The following ARHGEF26 variants were observed in gnomAD, a reference collection of about 807,000 sequenced individuals.
The protein encoded by ARHGEF26 is Rho guanine nucleotide exchange factor 26.
A neutral mutation model predicts 89.4 loss-of-function variants in ARHGEF26; 59 were observed. The observed-to-expected ratio is 0.66, with a 90% CI of 0.54 to 0.82. The LOEUF (loss-of-function observed/expected upper bound fraction) is 0.82. Among genes scored for constraint, ARHGEF26 ranks in the 40% least tolerant of loss-of-function variants. The pLI, the probability that ARHGEF26 is intolerant of heterozygous loss-of-function variation, is 0.00. For missense variants in ARHGEF26, 1,234 were observed against 1,085.6 expected (o/e 1.14, Z -1.92); for synonymous variants, 500 against 428.4 (o/e 1.17, Z -2.06).
Position 154,121,474 on chromosome 3 carries a change from G to C in ARHGEF26, c.-97G>C, listed in dbSNP as rs1412925661. The C allele has an allele frequency of 1.3e-5, 2 of 152,646 alleles. No individual in the cohort carries two copies. Among genetic ancestry groups the C allele is most frequent in the African/African-American group, 2.4e-5 (1 of 41,454 alleles). The allele number at this position is 152,646 out of a possible 1,614,324, so 9.5% of individuals were successfully genotyped here. A position where few individuals can be genotyped will look rare whatever the true frequency, so the allele number is the denominator to read the frequency against. On this transcript the variant is annotated 5_prime_UTR_variant, in exon 1 of 15. Transcript: ENST00000465093. ...TCGGTCCCGGACCCGGGCCACCCACGGGGTAGTGGGTGCTCCTCGGCCCCG... is the reference window on the plus strand; with the variant it reads ...TCGGTCCCGGACCCGGGCCACCCACCGGGTAGTGGGTGCTCCTCGGCCCCG...
intron 6 of ARHGEF26, among the ~76,000 whole-genome samples, chr3:154,160,113 G>A (rs531783161): frequency 1.3e-5 from 2 of 152,166 alleles, no homozygotes; most frequent in South Asian, 2.1e-4. Context: ...ACATTCAGAA[G>A]CCACTCTTTA....
At position 154,140,738 on chromosome 3, in the gene ARHGEF26, G is replaced by A. The variant is rs1375944630; in HGVS notation, c.1270-8651G>A. On this transcript the variant is annotated intron_variant, in intron 4 of 14. Transcript: ENST00000465093. Reference sequence around the variant, plus strand: ...TGGGATTACAGGCACACGCCACCACGCCCGGCTAATTTTTGTATTTTTAAT... The same window carrying A: ...TGGGATTACAGGCACACGCCACCACACCCGGCTAATTTTTGTATTTTTAAT... Among the ~76,000 whole-genome samples the A allele has an allele frequency of 2.0e-5, 3 of 151,644 alleles. 1 individual carries two copies. In the South Asian group the frequency reaches 6.3e-4, roughly 32 times the overall value.
chr3:154,149,347 G>T, intron 4 of ARHGEF26, 42 bp from the exon 5 acceptor site: 9 of 1,539,384 alleles, frequency 5.8e-6, no homozygotes, highest in Non-Finnish European at 8.0e-6. Flanking sequence ...AACTTTTAAA[G>T]TATTAATAAA....
intron 11 of ARHGEF26, among the ~76,000 whole-genome samples, chr3:154,239,965 G>T (rs1010841106): frequency 6.6e-6 from 1 of 152,044 alleles, no homozygotes; most frequent in Non-Finnish European, 1.5e-5. Context: ...TGGGGGGTTT[G>T]GGGGGTGAGG....
intron 6 of ARHGEF26, among the ~76,000 whole-genome samples, chr3:154,169,912 A>C (rs769712565): frequency 4.6e-5 from 7 of 152,228 alleles, no homozygotes; most frequent in Admixed American, 1.3e-4. Flanking sequence ...CAATGTTCAC[A>C]GCAACTTCAT....
At chr3:154,192,650 A>G (rs1714020656) in intron 8 of ARHGEF26, among the ~76,000 whole-genome samples, 1 of 152,202 alleles carries the variant, frequency 6.6e-6, no homozygotes, top group South Asian at 2.1e-4. Context: ...GAATGTGGCT[A>G]AGTTATCAGA....
chr3:154,191,851 A>T (rs1713977779), intron 8 of ARHGEF26, among the ~76,000 whole-genome samples: 1 of 152,150 alleles, frequency 6.6e-6, no homozygotes, highest in Non-Finnish European at 1.5e-5. Context: ...TTCATACAGG[A>T]ATGAGAGTCT....
intron 12 of ARHGEF26, among the ~76,000 whole-genome samples, chr3:154,246,870 G>A (rs1717829507): frequency 1.3e-5 from 2 of 152,060 alleles, no homozygotes; most frequent in African/African-American, 4.8e-5. Flanking sequence ...GATTTTTGGC[G>A]TGAGCTGCTG....
chr3:154,178,064 C>A (rs1712938648), intron 6 of ARHGEF26, among the ~76,000 whole-genome samples: 1 of 151,990 alleles, frequency 6.6e-6, no homozygotes, highest in African/African-American at 2.4e-5. Context: ...ATTAGCCTGG[C>A]ATGGTGGTGG....
chr3:154,167,053 C>T (rs1209344036), intron 6 of ARHGEF26, among the ~76,000 whole-genome samples: 1 of 152,170 alleles, frequency 6.6e-6, no homozygotes, highest in East Asian at 1.9e-4. Context: ...TCTTTGTATG[C>T]TCCCCAAATA....
Position 154,255,402 on chromosome 3 carries a change from A to G in ARHGEF26, c.2545A>G (p.Thr849Ala). 6.2e-7 allele frequency: 1 copy of G among 1,613,790 alleles called. No homozygotes were observed. The highest frequency in any genetic ancestry group is 8.5e-7 in the Non-Finnish European group (1 of 1,179,862). Reference protein sequence around the residue: ...WFPMECAKEITCQATIDKNVE... With the variant: ...WFPMECAKEIACQATIDKNVE... ...TCCTATGGAATGTGCCAAGGAGATA[A>G]CATGTCAAGCTACAATTGATAAGAA... Residue 849 changes from threonine (T) to alanine (A), a missense_variant, in exon 15 of 15, where the codon ACA (threonine) becomes GCA (alanine). Thr to Ala is a moderately conservative substitution (Grantham distance 58). Transcript: ENST00000465093.
At chr3:154,126,528 A>G (rs771944916) in intron 3 of ARHGEF26, among the ~76,000 whole-genome samples, 4 of 152,178 alleles carry the variant, frequency 2.6e-5, no homozygotes, top group Admixed American at 6.5e-5. Flanking sequence ...TAGGTAGTCA[A>G]TGTTTTGCTG....
chr3:154,226,124 C>A, intron 11 of ARHGEF26, 114 bp downstream of exon 11: 1 of 899,684 alleles, frequency 1.1e-6, no homozygotes, highest in Non-Finnish European at 1.6e-6. Context: ...AGTATAGTTT[C>A]TACATACTGA....
intron 4 of ARHGEF26, 127 bp from the exon 5 acceptor site, chr3:154,149,262 A>C: frequency 1.7e-6 from 1 of 573,626 alleles, no homozygotes; most frequent in Middle Eastern, 4.5e-4. Flanking sequence ...AATATTGATG[A>C]ATTCAACATT....
At chr3:154,207,657 A>G (rs768915580) in intron 9 of ARHGEF26, among the ~76,000 whole-genome samples, 2 of 152,238 alleles carry the variant, frequency 1.3e-5, no homozygotes, top group Non-Finnish European at 2.9e-5. Context: ...GGGAGTGTAT[A>G]TTAGTTCAAC....
intron 6 of ARHGEF26, among the ~76,000 whole-genome samples, chr3:154,170,175 G>A (rs1177503929): frequency 6.6e-6 from 1 of 151,888 alleles, no homozygotes; most frequent in African/African-American, 2.4e-5. Context: ...CAGCCTGGGC[G>A]ACAGAGTGAA....
At chr3:154,157,095 A>G (rs1162419269) in intron 6 of ARHGEF26, among the ~76,000 whole-genome samples, 1 of 152,176 alleles carries the variant, frequency 6.6e-6, no homozygotes. Flanking sequence ...AGCAGGGACA[A>G]CGATCATTCT....
rs200278056 is a variant in ARHGEF26, at chr3:154,122,660, A to T, written c.668A>T (p.Gln223Leu). ...CTCCCCCTCCAAAGGCTGCCCTCCC[A>T]GGAGAACGAGCTCCTCGAGAATCCT... ...QKLPLQRLPS[Q>L]ENELLENPSV... Residue 223 changes from glutamine to leucine, a missense_variant, in exon 2 of 15, where the codon CAG becomes CTG. Transcript: ENST00000465093. The T allele has an allele frequency of 5.0e-5, 81 of 1,613,924 alleles. No homozygotes were observed. The East Asian group carries it at 1.2e-3, about 23-fold the overall frequency.
chr3:154,166,255 T>G (rs1712023755), intron 6 of ARHGEF26, among the ~76,000 whole-genome samples: 1 of 152,118 alleles, frequency 6.6e-6, no homozygotes, highest in African/African-American at 2.4e-5. Context: ...TTTCACCATG[T>G]TAGCCAGAAT....
Sources: allele counts gnomAD v4.1 joint callset (sites outside exome capture counted in the v4.1 genomes callset), GRCh38; gene constraint gnomAD v4.1.1; transcripts MANE v1.5; gene names NCBI Gene and HGNC (gene_info 2026-07-23, HGNC 2026-07-21).